TAF1: variants seen among roughly 807,000 people sequenced by gnomAD.
The protein encoded by TAF1 is transcription initiation factor TFIID subunit 1.
Under a neutral mutation model 138.5 loss-of-function variants are expected in TAF1, and 2 were observed. That is an observed-to-expected ratio of 0.01 (90% CI 0.01 to 0.05). TAF1 has a LOEUF of 0.05. Ranked by LOEUF, TAF1 falls within the 10% of genes least tolerant of loss-of-function variation. The pLI is 1.00. For missense variants in TAF1, 709 were observed against 1,478.0 expected (o/e 0.48, Z 8.53); for synonymous variants, 437 against 503.2 (o/e 0.87, Z 1.76).
At chrX:71,398,940 TTC>T (rs750713463) in intron 24 of TAF1, among the ~76,000 whole-genome samples, 12 of 111,548 alleles carry the variant, frequency 1.1e-4, no homozygotes, top group Non-Finnish European at 1.9e-4. Flanking sequence ...GGTGCTATTG[TTC>T]TCTCTCTCTT....
chrX:71,515,740 C>A lies in TAF1; in HGVS notation c.1367-12802C>A, dbSNP rs1357666327. On this transcript the variant is annotated intron_variant and NMD_transcript_variant, in intron 13 of 14. Coordinates refer to the TAF1 transcript ENST00000373775. Reference sequence around the variant, plus strand: ...TAGTAGGCAAAATTCTAAGATGATCCCCAATATTCCCTCATCCCGGTGTAT... The same window carrying A: ...TAGTAGGCAAAATTCTAAGATGATCACCAATATTCCCTCATCCCGGTGTAT... 2.7e-5 allele frequency among the ~76,000 whole-genome samples: 3 copies of A among 111,400 alleles called. No individual in the cohort carries two copies. In the Admixed American group the frequency reaches 2.9e-4, roughly 11 times the overall value.
chrX:71,392,000 G>A (rs1457723674), intron 18 of TAF1, among the ~76,000 whole-genome samples: 1 of 111,063 alleles, frequency 9.0e-6, no homozygotes, highest in Non-Finnish European at 1.9e-5. Context: ...ATCTTGCAGG[G>A]GTTGGTAAAC....
At chrX:71,492,951 A>G (rs1480385222) in intron 13 of TAF1, 1 of 112,156 alleles carries the variant, frequency 8.9e-6, no homozygotes, top group Non-Finnish European at 1.9e-5. Flanking sequence ...GGCCTCCGGC[A>G]TTGCTCCGCG....
At chrX:71,417,584 G>A (rs1008306645) in intron 28 of TAF1, among the ~76,000 whole-genome samples, 6 of 109,744 alleles carry the variant, frequency 5.5e-5, no homozygotes, top group Non-Finnish European at 9.5e-5. Context: ...GGCTGGTCTC[G>A]AACTCCTGGG....
Position 71,400,086 on chromosome X carries a change from TTTTG to T in TAF1, c.3786+1358_3786+1361del, listed in dbSNP as rs749232406. ...GTTGAGATAGGTTTGGTAGGTTTTT[TTTTG>T]TTTGTTTGGTTTTTTTAGAGACAGA... On this transcript the variant is annotated intron_variant, in intron 24 of 37. Transcript: ENST00000423759. Among the ~76,000 whole-genome samples, 9 of 108,459 alleles carry T rather than the reference TTTTG, an allele frequency of 8.3e-5. No individual in the cohort carries two copies. In the East Asian group the frequency reaches 1.4e-3, roughly 17 times the overall value. The allele number at this position is 108,459 out of a possible 115,157, so 94.2% of individuals were successfully genotyped here. A position where few individuals can be genotyped will look rare whatever the true frequency, so the allele number is the denominator to read the frequency against.
chrX:71,420,873 C>T (rs1475127218), intron 28 of TAF1, among the ~76,000 whole-genome samples: 7 of 112,540 alleles, frequency 6.2e-5, no homozygotes, highest in Non-Finnish European at 9.4e-5. Context: ...TAGTCCCCTA[C>T]GCCCCCCGGG....
At chrX:71,452,021 C>T (rs1416483166) in intron 32 of TAF1, among the ~76,000 whole-genome samples, 1 of 111,153 alleles carries the variant, frequency 9.0e-6, no homozygotes, top group African/African-American at 3.3e-5. Flanking sequence ...GGTGGCCGGG[C>T]AGAGGGGCTC....
At chrX:71,462,211 C>A (rs1363419213) in intron 37 of TAF1, among the ~76,000 whole-genome samples, 1 of 111,730 alleles carries the variant, frequency 9.0e-6, no homozygotes, top group Non-Finnish European at 1.9e-5. Flanking sequence ...TTGTCCTGTG[C>A]CCCAAAAGAA....
At chrX:71,453,198 G>GC (rs1199588677) in intron 32 of TAF1, among the ~76,000 whole-genome samples, 17 of 111,504 alleles carry the variant, frequency 1.5e-4, no homozygotes, top group African/African-American at 5.2e-4. Flanking sequence ...GCAAAATTGA[G>GC]CAGAAGTTAC....
At chrX:71,456,073 G>T (rs1029196369) in intron 34 of TAF1, among the ~76,000 whole-genome samples, 1 of 111,611 alleles carries the variant, frequency 9.0e-6, no homozygotes, top group African/African-American at 3.3e-5. Context: ...GCCCAGGAAG[G>T]CCCTATTTGC....
At chrX:71,458,500 A>G in intron 35 of TAF1, 134 bp downstream of exon 35, 1 of 913,421 alleles carries the variant, frequency 1.1e-6, no homozygotes, top group South Asian at 2.6e-5. Flanking sequence ...ATGAAAGCTT[A>G]GAAATGGGAT....
intron 7 of TAF1, 82 bp from the exon 8 acceptor site, chrX:71,378,742 T>C: frequency 1.0e-6 from 1 of 1,003,737 alleles, no homozygotes; most frequent in Non-Finnish European, 1.4e-6. Context: ...ATGTGTCTGA[T>C]GTATCTTTAA....
chrX:71,528,670 C>T lies in TAF1; in HGVS notation c.*119C>T, dbSNP rs747386683. 75 of 329,768 alleles carry T rather than the reference C, an allele frequency of 2.3e-4. 1 individual carries two copies. Among genetic ancestry groups the T allele is most frequent in the Non-Finnish European group, 3.8e-4 (65 of 169,934 alleles). The allele number at this position is 329,768 out of a possible 1,213,427, so 27.2% of individuals were successfully genotyped here. ...AAACATCTGTGTCCGGAGTTGGTTC[C>T]TTCCAGTGGGTTCTTGGTCTTGCTG... On this transcript the variant is annotated 3_prime_UTR_variant and NMD_transcript_variant, in exon 14 of 15. Transcript: ENST00000373775.
Position 71,458,260 on chromosome X carries a change from C to G in TAF1, c.4958C>G (p.Thr1653Ser). ...CCACAGCCTCCTGATTTGTATGATA[C>G]CAACACATCCCTCAGTATGTCTCGA... is the stretch of plus-strand genomic sequence containing the variant. ...YTPQPPDLYD[T>S]NTSLSMSRDA... The change falls in exon 35 of 38, where the codon ACC (threonine) becomes AGC (serine). Residue 1653 changes from threonine (T) to serine (S), a missense_variant. Physicochemically the swap from Thr to Ser is moderately conservative, Grantham distance 58 (BLOSUM62 1). This residue lies in a region of TAF1 where 123 missense variants were observed against 174.7 expected (regional missense o/e 0.70). Coordinates refer to ENST00000423759, the MANE Select transcript of TAF1 (RefSeq NM_004606.5). 8.3e-7 allele frequency: 1 copy of G among 1,211,374 alleles called. No individual in the cohort carries two copies. The highest frequency in any genetic ancestry group is 1.1e-6 in the Non-Finnish European group (1 of 895,215).
chrX:71,398,077 C>T (rs183112038), intron 23 of TAF1, among the ~76,000 whole-genome samples: 1 of 111,694 alleles, frequency 9.0e-6, no homozygotes, highest in East Asian at 2.8e-4. Context: ...CGGTGGCTCA[C>T]GCCTGTAATC....
At chrX:71,459,273 T>C (rs1198907618) in intron 35 of TAF1, 1 of 1,140,220 alleles carries the variant, frequency 8.8e-7, no homozygotes, top group Admixed American at 2.3e-5. Flanking sequence ...TATAGAAAGC[T>C]TATGGTTACG....
At chrX:71,458,184 T>C (rs1435424012) in intron 34 of TAF1, 57 bp from the exon 35 acceptor site, 5 of 1,181,307 alleles carry the variant, frequency 4.2e-6, no homozygotes, top group Non-Finnish European at 5.7e-6. Context: ...AGGGGAGTTA[T>C]CTGTATTTAT....
intron 32 of TAF1, among the ~76,000 whole-genome samples, chrX:71,425,068 A>G (rs1445213050): frequency 4.5e-5 from 5 of 111,947 alleles, no homozygotes; most frequent in African/African-American, 1.6e-4. Context: ...TAAAAATCAA[A>G]TGGATTTTTA....
At chrX:71,477,289 TAA>T (rs2038996913) in intron 13 of TAF1, among the ~76,000 whole-genome samples, 1 of 110,861 alleles carries the variant, frequency 9.0e-6, no homozygotes, top group African/African-American at 3.3e-5. Context: ...AAAATTTTTT[TAA>T]TTTTAATTTT....
Sources: gnomAD v4.1 joint callset for allele counts (sites outside exome capture counted in the v4.1 genomes callset) on GRCh38, gnomAD v4.1.1 for gene constraint, gnomAD v4.1.1 regional missense constraint, MANE v1.5 for transcripts, NCBI Gene and HGNC (gene_info 2026-07-23, HGNC 2026-07-21) for gene names.